MICAL2: variants seen among roughly 807,000 people sequenced by gnomAD.
The protein encoded by MICAL2 is [F-actin]-monooxygenase MICAL2.
A neutral mutation model predicts 127.3 loss-of-function variants in MICAL2; 77 were observed. That is an observed-to-expected ratio of 0.60 (90% CI 0.50 to 0.73). The LOEUF (loss-of-function observed/expected upper bound fraction) is 0.73. Among genes scored for constraint, MICAL2 ranks in the 30% least tolerant of loss-of-function variants. The pLI, the probability that MICAL2 is intolerant of heterozygous loss-of-function variation, is 0.00. For missense variants in MICAL2, 1,351 were observed against 1,434.4 expected (o/e 0.94, Z 0.94); for synonymous variants, 570 against 551.1 (o/e 1.03, Z -0.48).
At chr11:12,249,777 C>A (rs987027107) in intron 22 of MICAL2, among the ~76,000 whole-genome samples, 1 of 152,190 alleles carries the variant, frequency 6.6e-6, no homozygotes, top group Non-Finnish European at 1.5e-5. Flanking sequence ...GAAGTGTAGC[C>A]GGGACACCTG....
downstream of MICAL2, chr11:12,294,780 C>A (rs181388771): frequency 2.7e-3 from 4,261 of 1,607,898 alleles, 182 homozygotes; most frequent in Admixed American, 0.066. Context: ...TTCAAAAGCA[C>A]CTCCCTGCGC....
intron 26 of MICAL2, chr11:12,260,824 A>G: frequency 5.1e-6 from 5 of 985,464 alleles, no homozygotes; most frequent in Non-Finnish European, 6.0e-6. Context: ...GTTAAACAGT[A>G]GCTTAAAGGC....
intron 3 of MICAL2, among the ~76,000 whole-genome samples, chr11:12,163,172 C>T (rs1590136652): frequency 1.3e-5 from 2 of 152,312 alleles, no homozygotes; most frequent in South Asian, 2.1e-4. Flanking sequence ...ACAGCATCGG[C>T]GAACATAGGC....
At chr11:12,261,142 G>C in intron 26 of MICAL2, 1 of 985,506 alleles carries the variant, frequency 1.0e-6, no homozygotes, top group Non-Finnish European at 1.2e-6. Flanking sequence ...GGACTGAGGG[G>C]GTTTGTTAGC....
chr11:12,121,339 C>T (rs1472165528), intron 1 of MICAL2: 1 of 152,410 alleles, frequency 6.6e-6, no homozygotes, highest in African/African-American at 2.4e-5. Context: ...CAGGAGTTCC[C>T]TGTCTGTGTG....
chr11:12,302,841 T>C (rs1183829645), intron 29 of MICAL2, among the ~76,000 whole-genome samples: 2 of 152,192 alleles, frequency 1.3e-5, no homozygotes, highest in African/African-American at 2.4e-5. Context: ...AAGTATTTAT[T>C]TTAATAAAGC....
At chr11:12,319,613 G>A (rs563029250) in intron 29 of MICAL2, 1 of 980,414 alleles carries the variant, frequency 1.0e-6, no homozygotes. Flanking sequence ...GAGAGTAAGT[G>A]GGGGAGGAGG....
intron 32 of MICAL2, among the ~76,000 whole-genome samples, chr11:12,346,605 C>T (rs896330239): frequency 8.5e-5 from 13 of 152,166 alleles, no homozygotes; most frequent in Non-Finnish European, 1.8e-4. Context: ...CTGAGTGCAC[C>T]TGCTGTCTCC....
At chr11:12,288,633 G>A (rs1195484045), downstream of MICAL2, among the ~76,000 whole-genome samples, 1 of 152,218 alleles carries the variant, frequency 6.6e-6, no homozygotes, top group Non-Finnish European at 1.5e-5. Context: ...AATCAGCCTA[G>A]TGTCTAGCAT....
Position 12,260,162 on chromosome 11 carries a change from A to G in MICAL2, c.3334+265A>G, listed in dbSNP as rs1056170226. The G allele has an allele frequency of 4.0e-5, 61 of 1,516,856 alleles. No homozygotes were observed. In the African/African-American group the frequency reaches 8.4e-4, roughly 21 times the overall value. 94.0% of individuals were successfully genotyped at this position (1,516,856 alleles called of 1,614,324 possible). A position where few individuals can be genotyped will look rare whatever the true frequency, so the allele number is the denominator to read the frequency against. On this transcript the variant is annotated intron_variant, in intron 26 of 27. Transcript: ENST00000683283. ...TGGGTGCTCAGGTGCTTCCCAGTCA[A>G]GCTCCGCTGACATGGCTGGCTGCCC...
chr11:12,307,477 T>A (rs1864126144), intron 29 of MICAL2, among the ~76,000 whole-genome samples: 1 of 152,220 alleles, frequency 6.6e-6, no homozygotes. Context: ...TGAGTTATAG[T>A]TAAGATATCT....
intron 3 of MICAL2, among the ~76,000 whole-genome samples, chr11:12,192,222 G>T (rs1477601919): frequency 6.6e-6 from 1 of 152,200 alleles, no homozygotes; most frequent in Admixed American, 6.5e-5. Flanking sequence ...AGCTTGGACA[G>T]TGCACACACG....
At chr11:12,181,107 A>T (rs902538238) in intron 3 of MICAL2, among the ~76,000 whole-genome samples, 2 of 151,826 alleles carry the variant, frequency 1.3e-5, no homozygotes, top group Non-Finnish European at 2.9e-5. Flanking sequence ...CCATGCCTGG[A>T]TAATTTTTCT....
chr11:12,217,271 A>G (rs887549354), intron 8 of MICAL2, among the ~76,000 whole-genome samples: 2 of 152,128 alleles, frequency 1.3e-5, no homozygotes, highest in Non-Finnish European at 2.9e-5. Context: ...CTTGTCAGAG[A>G]AGAATGCAGC....
chr11:12,280,833 C>G (rs889368165), intron 1 of MICAL2: 1 of 397,888 alleles, frequency 2.5e-6, no homozygotes, highest in African/African-American at 2.1e-5. Context: ...CCAGGCCCCC[C>G]AGGTGCGCTG....
chr11:12,244,149 G>A, intron 21 of MICAL2, 37 bp downstream of exon 21: 2 of 1,612,792 alleles, frequency 1.2e-6, no homozygotes, highest in Non-Finnish European at 1.7e-6. Flanking sequence ...CCTATTCCCT[G>A]CATGTTCCCA....
At chr11:12,238,811 G>A (rs57315506) in intron 16 of MICAL2, among the ~76,000 whole-genome samples, 6,416 of 152,158 alleles carry the variant, frequency 0.042, 255 homozygotes, top group East Asian at 0.24. Flanking sequence ...GGGTATGCAG[G>A]GACAGTCTGT....
chr11:12,326,916 T>A (rs1265788755), intron 31 of MICAL2, among the ~76,000 whole-genome samples: 1 of 152,202 alleles, frequency 6.6e-6, no homozygotes, highest in Non-Finnish European at 1.5e-5. Flanking sequence ...ATTGGCCTTG[T>A]CTAAGGGGAC....
intron 24 of MICAL2, 79 bp from the exon 25 acceptor site, chr11:12,258,389 G>A: frequency 9.3e-7 from 1 of 1,075,012 alleles, no homozygotes; most frequent in Non-Finnish European, 1.4e-6. Context: ...TTGGACAGTG[G>A]TGGGCACTTG....
Sources: allele counts gnomAD v4.1 joint callset (sites outside exome capture counted in the v4.1 genomes callset), GRCh38; gene constraint gnomAD v4.1.1; transcripts MANE v1.5; gene names NCBI Gene and HGNC (gene_info 2026-07-23, HGNC 2026-07-21).